The following CLCA1 variants were observed in gnomAD, a reference collection of about 807,000 sequenced individuals.
The protein encoded by CLCA1 is calcium-activated chloride channel regulator 1.
In CLCA1, 59 loss-of-function variants were observed where a neutral mutation model predicts 85.6. That is an observed-to-expected ratio of 0.69 (90% CI 0.56 to 0.86). The LOEUF (loss-of-function observed/expected upper bound fraction) is 0.86. CLCA1 is among the 40% of genes least tolerant of loss of function. CLCA1 has a pLI of 0.00. For missense variants in CLCA1, 1,022 were observed against 1,101.4 expected (o/e 0.93, Z 1.02); for synonymous variants, 396 against 398.3 (o/e 0.99, Z 0.07).
At chr1:86,483,799 C>G (rs1647883631) in intron 5 of CLCA1, among the ~76,000 whole-genome samples, 1 of 152,120 alleles carries the variant, frequency 6.6e-6, no homozygotes, top group South Asian at 2.1e-4. Context: ...ATTTAGTAAG[C>G]AGGTTTCTGT....
chr1:86,487,240 C>G (rs1041120262), intron 7 of CLCA1, among the ~76,000 whole-genome samples: 1 of 152,176 alleles, frequency 6.6e-6, no homozygotes, highest in African/African-American at 2.4e-5. Context: ...TTTTATTACC[C>G]CTGTCACCCA....
chr1:86,495,560 C>T lies in CLCA1; in HGVS notation c.1998C>T (p.Asp666=). Residue 666 remains aspartate, a synonymous_variant, in exon 12 of 14, where the codon GAC becomes GAT. Coordinates refer to ENST00000394711, the MANE Select transcript of CLCA1 (RefSeq NM_001285.4). The stretch of plus-strand genomic sequence containing the variant: ...ACTCAAGGTATTTCACAACTTATGA[C>T]ACGAATGGTAGATACAGTGTAAAAG... ...GVYSRYFTTY[D]TNGRYSVKVR... 6.2e-7 allele frequency: 1 copy of T among 1,613,988 alleles called. No homozygotes were observed. Among genetic ancestry groups the T allele is most frequent in the Non-Finnish European group, 8.5e-7 (1 of 1,179,888 alleles).
intron 1 of CLCA1, among the ~76,000 whole-genome samples, chr1:86,471,432 G>A (rs975829243): frequency 6.6e-6 from 1 of 152,124 alleles, no homozygotes; most frequent in Non-Finnish European, 1.5e-5. Flanking sequence ...GTCTAAATAT[G>A]TATTAGGATA....
At chr1:86,498,845 G>A in intron 13 of CLCA1, 34 bp downstream of exon 13, 1 of 1,585,552 alleles carries the variant, frequency 6.3e-7, no homozygotes. Context: ...CTGTAAAAGA[G>A]TTTACCAGCC....
rs549369706 is a variant in CLCA1, at chr1:86,494,335, T to C, written c.1829T>C (p.Val610Ala). The C allele has an allele frequency of 2.1e-5, 34 of 1,614,160 alleles. No individual in the cohort carries two copies. In the South Asian group the frequency reaches 3.7e-4, roughly 18 times the overall value. The change falls in exon 11 of 14, where the codon GTT becomes GCT. Residue 610 changes from valine (V) to alanine (A), a missense_variant. Coordinates refer to ENST00000394711, the MANE Select transcript of CLCA1 (RefSeq NM_001285.4). Reference protein sequence around the residue: ...DTSKFPSPLVVYANIRQGASP... With the variant: ...DTSKFPSPLVAYANIRQGASP... ...AGCAAATTCCCCAGCCCTCTGGTAGTTTATGCAAATATTCGCCAAGGAGCC... is the reference window on the plus strand; with the variant it reads ...AGCAAATTCCCCAGCCCTCTGGTAGCTTATGCAAATATTCGCCAAGGAGCC...
chr1:86,483,795 T>C (rs964227982), intron 5 of CLCA1, among the ~76,000 whole-genome samples: 1 of 152,194 alleles, frequency 6.6e-6, no homozygotes. Context: ...CAAAATTTAG[T>C]AAGCAGGTTT....
At chr1:86,474,832 C>A (rs1647601516) in intron 3 of CLCA1, among the ~76,000 whole-genome samples, 1 of 152,142 alleles carries the variant, frequency 6.6e-6, no homozygotes, top group South Asian at 2.1e-4. Context: ...AATGTACTTT[C>A]CAAGAATCAA....
intron 5 of CLCA1, among the ~76,000 whole-genome samples, chr1:86,484,606 A>G (rs5744362): frequency 0.022 from 3,288 of 152,320 alleles, 53 homozygotes; most frequent in Middle Eastern, 0.048. Context: ...AGAGGAAACA[A>G]GATGGAAAAG....
rs146747839 is a variant in CLCA1 at position 86,485,354 on chromosome 1, C to T, written c.747C>T (p.Phe249=). 3.4e-4 allele frequency: 555 copies of T among 1,612,354 alleles called. 2 individuals carry two copies. The African/African-American group carries it at 6.8e-3, about 20-fold the overall frequency. ...ATTGACAATTTCAGATAGTTGAATT[C>T]TGTACAGAACAAAACCACAACAAAG... is the stretch of plus-strand genomic sequence containing the variant. ...FAQHVDSIVE[F]CTEQNHNKEA... Residue 249 remains phenylalanine (F), a synonymous_variant, in exon 6 of 14, where the codon TTC becomes TTT. Transcript: ENST00000394711.
At chr1:86,478,317 C>T (rs1446109611) in intron 4 of CLCA1, among the ~76,000 whole-genome samples, 4 of 152,072 alleles carry the variant, frequency 2.6e-5, no homozygotes, top group African/African-American at 4.8e-5. Flanking sequence ...ATCCCAGCTA[C>T]TCAGGAGGCT....
At position 86,468,930 on chromosome 1, in the gene CLCA1, C is replaced by T. The variant is rs1647417797; in HGVS notation, c.-42C>T. 2.0e-6 allele frequency: 3 copies of T among 1,536,110 alleles called. No homozygotes were observed. The highest frequency in any genetic ancestry group is 2.7e-6 in the Non-Finnish European group (3 of 1,130,858). On this transcript the variant is annotated 5_prime_UTR_variant, in exon 1 of 14. Transcript: ENST00000394711. ...TGGTAAAGAAAGACACCTTCGTAACCCGCATTTTCCAAAGAGAGAAATCAC... is the reference window on the plus strand; with the variant it reads ...TGGTAAAGAAAGACACCTTCGTAACTCGCATTTTCCAAAGAGAGAAATCAC...
intron 3 of CLCA1, among the ~76,000 whole-genome samples, chr1:86,475,728 A>G (rs1324108941): frequency 6.6e-6 from 1 of 152,216 alleles, no homozygotes; most frequent in Admixed American, 6.5e-5. Flanking sequence ...AAAAAAGACC[A>G]GAGTTGAACA....
At chr1:86,484,773 T>C (rs1301618641) in intron 5 of CLCA1, among the ~76,000 whole-genome samples, 1 of 152,104 alleles carries the variant, frequency 6.6e-6, no homozygotes, top group Non-Finnish European at 1.5e-5. Flanking sequence ...AAACTTCCAG[T>C]TTCCTAATTT....
At position 86,485,652 on chromosome 1, in the gene CLCA1, C is replaced by T. The variant is rs966604209; in HGVS notation, c.954+91C>T. ...CGGAACTAGTTGCGAATAAACATAACCCGAGGGCCAGAATAGTTATAACTG... is the reference window on the plus strand; with the variant it reads ...CGGAACTAGTTGCGAATAAACATAATCCGAGGGCCAGAATAGTTATAACTG... On this transcript the variant is annotated intron_variant, in intron 6 of 13. Coordinates refer to ENST00000394711, the MANE Select transcript of CLCA1 (RefSeq NM_001285.4). The T allele has an allele frequency of 4.4e-5, 50 of 1,126,300 alleles. No individual in the cohort carries two copies. In the African/African-American group the frequency reaches 7.1e-4, roughly 16 times the overall value. 69.8% of individuals were successfully genotyped at this position (1,126,300 alleles called of 1,614,324 possible). A position where few individuals can be genotyped will look rare whatever the true frequency, so the allele number is the denominator to read the frequency against.
intron 5 of CLCA1, among the ~76,000 whole-genome samples, chr1:86,482,732 GA>G (rs1647852637): frequency 6.6e-6 from 1 of 152,166 alleles, no homozygotes; most frequent in South Asian, 2.1e-4. Context: ...ATAAAGACAT[GA>G]TCAGTAGGCT....
Position 86,486,720 on chromosome 1 carries a change from G to T in CLCA1, c.1149G>T (p.Thr383=). ...TACCTGCAGCAGCTTCAGGAGGGAC[G>T]TCCATCTGCAGCGGGCTTCGATCGG... The part of the protein sequence containing the change: ...KRLPAAASGG[T]SICSGLRSAF... Residue 383 remains threonine (T), a synonymous_variant, in exon 7 of 14, where the codon ACG becomes ACT. Transcript: ENST00000394711. 1 of 1,614,196 alleles carries T rather than the reference G, an allele frequency of 6.2e-7. No homozygotes were observed. The highest frequency in any genetic ancestry group is 8.5e-7 in the Non-Finnish European group (1 of 1,180,024).
Position 86,488,983 on chromosome 1 carries a change from A to T in CLCA1, c.1183-13A>T, listed in dbSNP as rs183486605. Reference sequence around the variant, plus strand: ...CTAAGTCTGATAACTCGTGCCCTAAATTCTGTCCTTAGGTGATTAGGAAGA... The same window carrying T: ...CTAAGTCTGATAACTCGTGCCCTAATTTCTGTCCTTAGGTGATTAGGAAGA... On this transcript the variant is annotated splice_polypyrimidine_tract_variant and intron_variant, in intron 7 of 13. Transcript: ENST00000394711. The T allele has an allele frequency of 8.9e-5, 144 of 1,610,914 alleles. 1 individual carries two copies. In the African/African-American group the frequency reaches 1.7e-3, roughly 20 times the overall value.
intron 3 of CLCA1, among the ~76,000 whole-genome samples, chr1:86,475,528 A>T (rs1441920464): frequency 6.6e-6 from 1 of 152,220 alleles, no homozygotes; most frequent in Admixed American, 6.5e-5. Flanking sequence ...CTGGCAAGTA[A>T]GTAGCAATGA....
intron 1 of CLCA1, 107 bp downstream of exon 1, chr1:86,469,240 T>C (rs1647434669): frequency 1.5e-6 from 1 of 673,514 alleles, no homozygotes; most frequent in Admixed American, 3.5e-5. Context: ...TGTATTTTTA[T>C]GTCTAAGTCT....
Sources: allele counts gnomAD v4.1 joint callset (sites outside exome capture counted in the v4.1 genomes callset), GRCh38; gene constraint gnomAD v4.1.1; transcripts MANE v1.5; gene names NCBI Gene and HGNC (gene_info 2026-07-23, HGNC 2026-07-21).